Variants in FCRL4 observed in about 807,000 individuals in gnomAD.
FCRL4 encodes Fc receptor-like protein 4.
In FCRL4, 43 loss-of-function variants were observed where a neutral mutation model predicts 64.1. That is an observed-to-expected ratio of 0.67 (90% CI 0.53 to 0.87). The LOEUF (loss-of-function observed/expected upper bound fraction) is 0.87. Ranked by LOEUF, FCRL4 falls within the 40% of genes least tolerant of loss-of-function variation. FCRL4 has a pLI of 0.00. For synonymous variants in FCRL4, 253 were observed against 239.8 expected (o/e 1.05, Z -0.51); for missense variants, 656 against 613.5 (o/e 1.07, Z -0.73).
At chr1:157,594,932 A>G (rs1652925879) in intron 2 of FCRL4, among the ~76,000 whole-genome samples, 1 of 152,078 alleles carries the variant, frequency 6.6e-6, no homozygotes, top group Non-Finnish European at 1.5e-5. Context: ...ATAGAGTCTT[A>G]CTCTTGCCCA....
chr1:157,589,358 T>C lies in FCRL4; in HGVS notation c.153A>G (p.Ala51=), dbSNP rs770841942. ...TLTCNGFQFY[A]TEKTTWYHRH... The stretch of plus-strand genomic sequence containing the variant: ...GATGATACCATGTTGTTTTCTCTGT[T>C]GCATAGAACTGAAATCCATTGCAAG... Residue 51 remains alanine, a synonymous_variant, in exon 3 of 12, where the codon GCA becomes GCG. Coordinates refer to ENST00000271532, the MANE Select transcript of FCRL4 (RefSeq NM_031282.3). 2 of 1,614,218 alleles carry C rather than the reference T, an allele frequency of 1.2e-6. No homozygotes were observed. Among genetic ancestry groups the C allele is most frequent in the African/African-American group, 1.3e-5 (1 of 75,062 alleles).
chr1:157,574,071 A>G lies in FCRL4; in HGVS notation c.*1453T>C. The G allele has an allele frequency of 4.7e-6, 1 of 213,704 alleles. No homozygotes were observed. The highest frequency in any genetic ancestry group is 9.5e-6 in the Non-Finnish European group (1 of 105,692). The allele number at this position is 213,704 out of a possible 1,614,324, so 13.2% of individuals were successfully genotyped here. A position where few individuals can be genotyped will look rare whatever the true frequency, so the allele number is the denominator to read the frequency against. On this transcript the variant is annotated 3_prime_UTR_variant, in exon 12 of 12. Transcript: ENST00000271532. ...AATTCATACACTCATATAATTTGTA[A>G]AGATCAAATCAGCGTAGTTGGGATA... is the stretch of plus-strand genomic sequence containing the variant.
At chr1:157,580,415 C>T in intron 7 of FCRL4, 67 bp from the exon 8 acceptor site, 2 of 1,526,046 alleles carry the variant, frequency 1.3e-6, no homozygotes, top group Middle Eastern at 1.7e-4. Context: ...CTTCATGTAA[C>T]AGGAGCTATC....
chr1:157,587,886 A>T lies in FCRL4; in HGVS notation c.541T>A (p.Phe181Ile). The T allele has an allele frequency of 6.2e-7, 1 of 1,606,858 alleles. No individual in the cohort carries two copies. Among genetic ancestry groups the T allele is most frequent in the Non-Finnish European group, 8.5e-7 (1 of 1,174,856 alleles). ...TCACCTTGAATTTTAATTATTTTGA[A>T]ATTTGATCTAAATACATCATTCTCG... ...GDENDVFRSN[F>I]KIIKIQELFP... The change falls in exon 4 of 12, where the codon TTC (phenylalanine) becomes ATC (isoleucine). Residue 181 changes from phenylalanine to isoleucine, a missense_variant. Phe to Ile is a conservative substitution (Grantham distance 21). Coordinates refer to ENST00000271532, the MANE Select transcript of FCRL4 (RefSeq NM_031282.3).
chr1:157,595,359 A>C (rs1652938491), intron 2 of FCRL4, among the ~76,000 whole-genome samples: 1 of 152,226 alleles, frequency 6.6e-6, no homozygotes, highest in Non-Finnish European at 1.5e-5. Flanking sequence ...ATTGGGACTT[A>C]GGCAATAGGT....
At chr1:157,576,480 A>G (rs1214577782) in intron 10 of FCRL4, among the ~76,000 whole-genome samples, 2 of 152,248 alleles carry the variant, frequency 1.3e-5, no homozygotes, top group African/African-American at 4.8e-5. Context: ...AAAACTTTGC[A>G]TATGATTTCA....
At chr1:157,595,415 C>G (rs1450089141) in intron 2 of FCRL4, among the ~76,000 whole-genome samples, 1 of 151,966 alleles carries the variant, frequency 6.6e-6, no homozygotes, top group Non-Finnish European at 1.5e-5. Context: ...ATGTATGCAA[C>G]TAGACTCTTC....
intron 6 of FCRL4, among the ~76,000 whole-genome samples, chr1:157,584,345 G>A (rs1181098355): frequency 6.6e-6 from 1 of 151,822 alleles, no homozygotes; most frequent in Non-Finnish European, 1.5e-5. Context: ...ACTGGGCAAC[G>A]TAGTGAGAAC....
Position 157,581,662 on chromosome 1 carries a change from G to A in FCRL4, c.1136-18C>T. On this transcript the variant is annotated intron_variant, in intron 6 of 11. Transcript: ENST00000271532. ...TGGGGTCTCTAAGGGGAAAGGACCT[G>A]TGTGAATCTCAGTGGAGAGGTTCAG... is the stretch of plus-strand genomic sequence containing the variant. The A allele has an allele frequency of 6.3e-7, 1 of 1,597,310 alleles. No individual in the cohort carries two copies. The highest frequency in any genetic ancestry group is 1.1e-5 in the South Asian group (1 of 90,442).
At chr1:157,592,338 A>G (rs1652856967) in intron 2 of FCRL4, among the ~76,000 whole-genome samples, 1 of 152,334 alleles carries the variant, frequency 6.6e-6, no homozygotes, top group South Asian at 2.1e-4. Context: ...AAATTTTGCA[A>G]TCTACCCATC....
intron 6 of FCRL4, among the ~76,000 whole-genome samples, chr1:157,585,143 T>A (rs577182185): frequency 1.8e-4 from 27 of 151,942 alleles, no homozygotes; most frequent in Non-Finnish European, 3.5e-4. Flanking sequence ...GTAAGGAGAG[T>A]GAATTGAGGA....
At position 157,587,511 on chromosome 1, in the gene FCRL4, C is replaced by G. The variant is rs140418584; in HGVS notation, c.612G>C (p.Glu204Asp). The change falls in exon 5 of 12, where the codon GAG (glutamate) becomes GAC (aspartate). Residue 204 changes from glutamate (E) to aspartate (D), a missense_variant. Coordinates refer to ENST00000271532, the MANE Select transcript of FCRL4 (RefSeq NM_031282.3). ...ELKATDSQPTEGNSVNLSCET... is the reference protein window; with the variant it reads ...ELKATDSQPTDGNSVNLSCET... ...CACAGCTCAGGTTTACAGAATTCCCCTCTGTAGGCTGAGAGTCTGTAGCTT... is the reference window on the plus strand; with the variant it reads ...CACAGCTCAGGTTTACAGAATTCCCGTCTGTAGGCTGAGAGTCTGTAGCTT... 1.2e-6 allele frequency: 2 copies of G among 1,614,158 alleles called. No individual in the cohort carries two copies. Among genetic ancestry groups the G allele is most frequent in the Middle Eastern group, 1.6e-4 (1 of 6,062 alleles).
At chr1:157,596,054 C>T (rs918387081) in intron 2 of FCRL4, among the ~76,000 whole-genome samples, 8 of 152,148 alleles carry the variant, frequency 5.3e-5, no homozygotes, top group South Asian at 2.1e-4. Flanking sequence ...CCACATCAGG[C>T]GGGGTGACAG....
At chr1:157,585,311 TTTCC>T (rs922675745) in intron 6 of FCRL4, among the ~76,000 whole-genome samples, 8 of 148,082 alleles carry the variant, frequency 5.4e-5, no homozygotes, top group Admixed American at 2.7e-4. Context: ...TCTTTCCTCC[TTTCC>T]TTCCTTCCTT....
intron 6 of FCRL4, among the ~76,000 whole-genome samples, chr1:157,585,964 C>T (rs1380053642): frequency 6.6e-6 from 1 of 152,090 alleles, no homozygotes; most frequent in African/African-American, 2.4e-5. Context: ...CAAAATGGCT[C>T]CCAGCCACCA....
chr1:157,587,474 G>A lies in FCRL4; in HGVS notation c.649C>T (p.Pro217Ser), dbSNP rs768508139. Reference sequence around the variant, plus strand: ...AGTGGGGTGTCTGACCGCTCTGGAGGAAGCTGTGTTTCACAGCTCAGGTTT... The same window carrying A: ...AGTGGGGTGTCTGACCGCTCTGGAGAAAGCTGTGTTTCACAGCTCAGGTTT... ...SVNLSCETQL[P>S]PERSDTPLHF... The change falls in exon 5 of 12, where the codon CCT becomes TCT. Residue 217 changes from proline to serine, a missense_variant. Transcript: ENST00000271532. 1.5e-5 allele frequency: 24 copies of A among 1,614,012 alleles called. No homozygotes were observed. The highest frequency in any genetic ancestry group is 1.9e-5 in the Non-Finnish European group (22 of 1,179,948).
At chr1:157,587,707 T>G in intron 4 of FCRL4, 147 bp from the exon 5 acceptor site, 1 of 1,129,954 alleles carries the variant, frequency 8.8e-7, no homozygotes, top group South Asian at 1.6e-5. Context: ...TTCTACAGGA[T>G]TATTCAGGTC....
At chr1:157,584,639 G>C (rs1479331127) in intron 6 of FCRL4, among the ~76,000 whole-genome samples, 1 of 152,132 alleles carries the variant, frequency 6.6e-6, no homozygotes, top group African/African-American at 2.4e-5. Context: ...AGATTGCTGT[G>C]GTACTTAGTT....
At position 157,578,498 on chromosome 1, in the gene FCRL4, T is replaced by C; in HGVS notation, c.1405A>G (p.Thr469Ala). 3 of 1,613,862 alleles carry C rather than the reference T, an allele frequency of 1.9e-6. No individual in the cohort carries two copies. The highest frequency in any genetic ancestry group is 2.5e-6 in the Non-Finnish European group (3 of 1,179,744). The change falls in exon 10 of 12, where the codon ACT becomes GCT. Residue 469 changes from threonine (T) to alanine (A), a missense_variant. By Grantham distance (58) the Thr-to-Ala change is moderately conservative. Coordinates refer to ENST00000271532, the MANE Select transcript of FCRL4 (RefSeq NM_031282.3). ...CCTTCCTCTTCTTCTCCCAGCTGAG[T>C]AGTCTGGATCTCAGAGTATACCAAA... ...GDLVYSEIQTTQLGEEEEANT... is the reference protein window; with the variant it reads ...GDLVYSEIQTAQLGEEEEANT...
Sources: gnomAD v4.1 joint callset for allele counts (sites outside exome capture counted in the v4.1 genomes callset) on GRCh38, gnomAD v4.1.1 for gene constraint, MANE v1.5 for transcripts, NCBI Gene and HGNC (gene_info 2026-07-23, HGNC 2026-07-21) for gene names.